Variants in PPFIA2 observed in about 807,000 individuals in gnomAD.
The protein encoded by PPFIA2 is liprin-alpha-2.
Under a neutral mutation model 175.5 loss-of-function variants are expected in PPFIA2, and 46 were observed. That is an observed-to-expected ratio of 0.26 (90% CI 0.21 to 0.34). The LOEUF is 0.34. Among genes scored for constraint, PPFIA2 ranks in the 10% least tolerant of loss-of-function variants. The pLI is 1.00. For synonymous variants in PPFIA2, 568 were observed against 511.4 expected, an observed-to-expected ratio of 1.11 and a Z score of -1.49; for missense variants, 1,179 against 1,506.1, an observed-to-expected ratio of 0.78 and a Z score of 3.60.
intron 22 of PPFIA2, among the ~76,000 whole-genome samples, chr12:81,318,234 T>C (rs946386525): frequency 1.3e-5 from 2 of 151,774 alleles, no homozygotes; most frequent in Admixed American, 1.3e-4. Context: ...TCTGAACATA[T>C]GCTGGTTTTA....
chr12:81,325,491 A>C (rs2054565429), intron 22 of PPFIA2, among the ~76,000 whole-genome samples: 1 of 152,134 alleles, frequency 6.6e-6, no homozygotes, highest in South Asian at 2.1e-4. Flanking sequence ...TTTAATTTTG[A>C]ACATCAATAG....
intron 4 of PPFIA2, among the ~76,000 whole-genome samples, chr12:81,566,979 T>C (rs12821471): frequency 0.13 from 19,065 of 152,294 alleles, 1,570 homozygotes; most frequent in East Asian, 0.23. Context: ...AAAATTATAA[T>C]AGTAATGCAG....
At chr12:81,278,174 G>A (rs1335783410) in intron 27 of PPFIA2, among the ~76,000 whole-genome samples, 1 of 152,168 alleles carries the variant, frequency 6.6e-6, no homozygotes, top group Non-Finnish European at 1.5e-5. Flanking sequence ...GCCTTAAATT[G>A]TGTTTAAGTA....
intron 4 of PPFIA2, among the ~76,000 whole-genome samples, chr12:81,601,548 C>A (rs2059791529): frequency 6.6e-6 from 1 of 151,820 alleles, no homozygotes; most frequent in Non-Finnish European, 1.5e-5. Flanking sequence ...CTCATGTTAA[C>A]TGCCTAAAGG....
intron 7 of PPFIA2, among the ~76,000 whole-genome samples, chr12:81,439,493 T>A (rs1461646879): frequency 6.6e-6 from 1 of 151,992 alleles, no homozygotes; most frequent in Admixed American, 6.6e-5. Context: ...GAAAAAACTT[T>A]TTTGGGGGTT....
chr12:81,591,816 G>T (rs2058707476), intron 4 of PPFIA2, among the ~76,000 whole-genome samples: 1 of 152,132 alleles, frequency 6.6e-6, no homozygotes, highest in Non-Finnish European at 1.5e-5. Flanking sequence ...CTGCAGGGGT[G>T]GGGTCCTCAT....
At chr12:81,387,316 C>T (rs1407716625) in intron 8 of PPFIA2, among the ~76,000 whole-genome samples, 1 of 152,094 alleles carries the variant, frequency 6.6e-6, no homozygotes, top group African/African-American at 2.4e-5. Context: ...TCATTACCCC[C>T]TTAAGCCCTG....
At chr12:81,269,893 T>A (rs1372868280) in intron 28 of PPFIA2, among the ~76,000 whole-genome samples, 1 of 152,114 alleles carries the variant, frequency 6.6e-6, no homozygotes, top group Non-Finnish European at 1.5e-5. Flanking sequence ...CACTTTGGGT[T>A]ATTAAGAATA....
At chr12:81,646,425 T>C (rs967340358) in intron 4 of PPFIA2, among the ~76,000 whole-genome samples, 1 of 152,124 alleles carries the variant, frequency 6.6e-6, no homozygotes, top group Admixed American at 6.5e-5. Flanking sequence ...AGGAGAACTA[T>C]GAAGTTCCAA....
At chr12:81,689,786 T>C (rs2074998745) in intron 3 of PPFIA2, among the ~76,000 whole-genome samples, 1 of 152,096 alleles carries the variant, frequency 6.6e-6, no homozygotes, top group Non-Finnish European at 1.5e-5. Flanking sequence ...GACATATTTT[T>C]CATTACTTAT....
intron 21 of PPFIA2, among the ~76,000 whole-genome samples, chr12:81,337,058 G>C (rs946795654): frequency 1.3e-5 from 2 of 152,062 alleles, no homozygotes; most frequent in African/African-American, 2.4e-5. Flanking sequence ...AGTATCAGTG[G>C]GGCCCATGTA....
At chr12:81,481,862 A>C (rs554088196) in intron 4 of PPFIA2, among the ~76,000 whole-genome samples, 2 of 152,352 alleles carry the variant, frequency 1.3e-5, no homozygotes, top group Admixed American at 1.3e-4. Context: ...CACCAAAAGC[A>C]AGGGCAACAA....
chr12:81,663,315 T>C (rs1469076204), intron 4 of PPFIA2, among the ~76,000 whole-genome samples: 1 of 152,170 alleles, frequency 6.6e-6, no homozygotes, highest in Non-Finnish European at 1.5e-5. Flanking sequence ...AAAACCTCCT[T>C]AAGCTGATAA....
At chr12:81,626,886 C>A (rs1377659395) in intron 4 of PPFIA2, among the ~76,000 whole-genome samples, 1 of 152,048 alleles carries the variant, frequency 6.6e-6, no homozygotes, top group African/African-American at 2.4e-5. Context: ...TTATACTACA[C>A]TACCTTGAAT....
intron 4 of PPFIA2, chr12:81,506,133 G>C (rs2061144141): frequency 6.6e-6 from 1 of 152,178 alleles, no homozygotes; most frequent in South Asian, 2.1e-4. Context: ...ACCAGAATGA[G>C]GATGTCAGAA....
At position 81,530,029 on chromosome 12, in the gene PPFIA2, A is replaced by C. The variant is rs1038007387; in HGVS notation, c.304-72163T>G. Reference sequence around the variant, plus strand: ...ACATACAATGCTATAAACTAAAATAAGAAGAAAAAGAACTTTCAAAGATTA... The same window carrying C: ...ACATACAATGCTATAAACTAAAATACGAAGAAAAAGAACTTTCAAAGATTA... On this transcript the variant is annotated intron_variant, in intron 4 of 32. Transcript: ENST00000549396. 3.3e-5 allele frequency among the ~76,000 whole-genome samples: 5 copies of C among 152,036 alleles called. No individual in the cohort carries two copies. In the South Asian group the frequency reaches 1.0e-3, roughly 31 times the overall value.
chr12:81,598,971 A>C (rs2153453571), intron 4 of PPFIA2, among the ~76,000 whole-genome samples: 2 of 152,144 alleles, frequency 1.3e-5, no homozygotes, highest in South Asian at 2.1e-4. Context: ...AGAATTAATA[A>C]AAATATTTAA....
chr12:81,391,429 T>G (rs1196685396), intron 8 of PPFIA2, among the ~76,000 whole-genome samples: 1 of 151,900 alleles, frequency 6.6e-6, no homozygotes, highest in African/African-American at 2.4e-5. Context: ...TACGATGGCC[T>G]TTGTTTTTCC....
At chr12:81,702,439 C>T (rs905414999) in intron 3 of PPFIA2, among the ~76,000 whole-genome samples, 2 of 152,160 alleles carry the variant, frequency 1.3e-5, no homozygotes, top group Non-Finnish European at 2.9e-5. Flanking sequence ...TGAAATCAAT[C>T]TTGTCTATAT....
Sources: gnomAD v4.1 joint callset for allele counts (sites outside exome capture counted in the v4.1 genomes callset) on GRCh38, gnomAD v4.1.1 for gene constraint, MANE v1.5 for transcripts, NCBI Gene and HGNC (gene_info 2026-07-23, HGNC 2026-07-21) for gene names.